The following VRK3 variants were observed in gnomAD, a reference collection of about 807,000 sequenced individuals.
VRK3 encodes the protein serine/threonine-protein kinase VRK3.
In VRK3, 50 loss-of-function variants were observed where a neutral mutation model predicts 60.4. The ratio of observed to expected loss-of-function variants is 0.83; its 90% confidence interval spans 0.66 to 1.05. The LOEUF is 1.05. Ranked by LOEUF, VRK3 falls within the 50% of genes least tolerant of loss-of-function variation. The probability of loss-of-function intolerance (pLI) is 0.00; values close to 1 mark genes in which losing one functional copy is unlikely to be tolerated. For synonymous variants in VRK3, 246 were observed against 227.8 expected (o/e 1.08, Z -0.72); for missense variants, 549 against 585.3 (o/e 0.94, Z 0.64).
At chr19:50,010,639 G>A (rs915950666) in intron 3 of VRK3, among the ~76,000 whole-genome samples, 13 of 152,206 alleles carry the variant, frequency 8.5e-5, no homozygotes, top group Non-Finnish European at 1.6e-4. Context: ...AAGGCTGGGC[G>A]TGGTGGCTCA....
chr19:49,995,925 A>G (rs922349295), intron 7 of VRK3, among the ~76,000 whole-genome samples: 1 of 148,434 alleles, frequency 6.7e-6, no homozygotes, highest in Non-Finnish European at 1.5e-5. Context: ...ATTTTTTTTT[A>G]TTTTTTATTT....
chr19:49,982,561 G>T (rs1218895604), intron 12 of VRK3, among the ~76,000 whole-genome samples: 1 of 152,200 alleles, frequency 6.6e-6, no homozygotes, highest in Non-Finnish European at 1.5e-5. Context: ...AAATAGGGAG[G>T]CAGAATGCTG....
At chr19:50,017,190 T>C (rs59720830) in intron 2 of VRK3, among the ~76,000 whole-genome samples, 7,924 of 151,742 alleles carry the variant, frequency 0.052, 666 homozygotes, top group African/African-American at 0.18. Context: ...GTGAAAACTC[T>C]GTCTCAAACA....
At chr19:49,983,917 G>A (rs1391147970) in intron 12 of VRK3, among the ~76,000 whole-genome samples, 2 of 151,286 alleles carry the variant, frequency 1.3e-5, no homozygotes, top group African/African-American at 2.5e-5. Flanking sequence ...CTACTCTCCA[G>A]AGAGCATTTT....
At chr19:49,981,079 TGCCTAAGATATATACACA>T (rs59094042) in intron 12 of VRK3, 66 bp from the exon 13 acceptor site, 104,798 of 1,407,830 alleles carry the variant, frequency 0.074, 7,070 homozygotes, top group East Asian at 0.3. Context: ...TAAAACAGAA[TGCCTAAGATATATACACA>T]GCCTAAGATA....
intron 9 of VRK3, among the ~76,000 whole-genome samples, chr19:49,993,405 T>C (rs575526172): frequency 1.3e-5 from 2 of 152,082 alleles, no homozygotes; most frequent in South Asian, 2.1e-4. Flanking sequence ...TGTGTGTATA[T>C]ATATATTTTT....
At chr19:50,010,446 GAT>G (rs1229672090) in intron 3 of VRK3, among the ~76,000 whole-genome samples, 1 of 152,172 alleles carries the variant, frequency 6.6e-6, no homozygotes, top group Non-Finnish European at 1.5e-5. Flanking sequence ...GTAATTCCCT[GAT>G]GTTTGTCTTT....
At position 50,015,983 on chromosome 19, in the gene VRK3, T is replaced by C. The variant is rs57723601; in HGVS notation, c.139+41A>G. 15,964 of 1,613,706 alleles carry C rather than the reference T, an allele frequency of 9.9e-3. 1,371 individuals are homozygous for C. In the African/African-American group the frequency reaches 0.19, roughly 19 times the overall value. ...CGCAGACACACACGTGTATGCACCT[T>C]ATTCCCACCGCAGAAACAGGCTCAA... On this transcript the variant is annotated intron_variant, in intron 3 of 14. Transcript: ENST00000316763.
chr19:49,994,728 G>C, intron 9 of VRK3, 86 bp downstream of exon 9: 1 of 1,229,316 alleles, frequency 8.1e-7, no homozygotes, highest in East Asian at 2.4e-5. Context: ...GTGGGGGCCG[G>C]AAGTGTCAAT....
intron 13 of VRK3, 72 bp downstream of exon 13, chr19:49,980,883 C>T: frequency 7.1e-7 from 1 of 1,407,882 alleles, no homozygotes. Context: ...AAGGAGAAGC[C>T]ACCCCAAGAT....
At chr19:49,983,253 C>G (rs1392666535) in intron 12 of VRK3, among the ~76,000 whole-genome samples, 1 of 152,154 alleles carries the variant, frequency 6.6e-6, no homozygotes, top group African/African-American at 2.4e-5. Flanking sequence ...CGAGGCCACA[C>G]ATCCACGCAC....
intron 6 of VRK3, chr19:49,999,408 G>C (rs975953074): frequency 6.6e-6 from 1 of 152,294 alleles, no homozygotes; most frequent in Admixed American, 6.5e-5. Flanking sequence ...CCCCCAAGGG[G>C]GCAGCTCCTT....
chr19:50,003,395 T>C (rs1165948563), intron 5 of VRK3, among the ~76,000 whole-genome samples: 1 of 152,242 alleles, frequency 6.6e-6, no homozygotes, highest in Non-Finnish European at 1.5e-5. Context: ...CCACCTTTCA[T>C]CTGCAAAGGC....
At position 50,004,765 on chromosome 19, in the gene VRK3, C is replaced by T. The variant is rs531329659; in HGVS notation, c.547+2804G>A. ...TATTTAAAAAAAATTAAAAAATTAGCCTGGCGTGGTGGCGCCTGCCTGTAG... is the reference window on the plus strand; with the variant it reads ...TATTTAAAAAAAATTAAAAAATTAGTCTGGCGTGGTGGCGCCTGCCTGTAG... On this transcript the variant is annotated intron_variant, in intron 5 of 14. Coordinates refer to ENST00000316763, the MANE Select transcript of VRK3 (RefSeq NM_016440.4). Among the ~76,000 whole-genome samples the T allele has an allele frequency of 2.3e-4, 35 of 152,014 alleles. 1 individual carries two copies. The highest frequency in any genetic ancestry group is 2.0e-3 in the Admixed American group (31 of 15,262).
At chr19:49,979,331 T>C in intron 13 of VRK3, 89 bp from the exon 14 acceptor site, 1 of 1,586,842 alleles carries the variant, frequency 6.3e-7, no homozygotes, top group East Asian at 2.2e-5. Context: ...GATGGAGGGG[T>C]GGGGGACTGA....
intron 12 of VRK3, chr19:49,981,568 T>A: frequency 1.9e-6 from 1 of 534,264 alleles, no homozygotes; most frequent in Non-Finnish European, 2.4e-6. Flanking sequence ...AACAAAACAA[T>A]ACACCTTGTT....
chr19:50,001,331 C>A (rs1308015307), intron 5 of VRK3: 1 of 159,964 alleles, frequency 6.3e-6, no homozygotes, highest in Non-Finnish European at 1.4e-5. Context: ...TTCCCATGTA[C>A]TGTCACAGCC....
At chr19:50,018,593 G>C (rs61538099) in intron 2 of VRK3, among the ~76,000 whole-genome samples, 7,986 of 152,218 alleles carry the variant, frequency 0.052, 689 homozygotes, top group African/African-American at 0.18. Context: ...GACTGCAAAG[G>C]CTGTTGGTCA....
intron 2 of VRK3, among the ~76,000 whole-genome samples, chr19:50,016,957 T>C (rs919559169): frequency 2.2e-5 from 3 of 136,264 alleles, no homozygotes; most frequent in Non-Finnish European, 4.5e-5. Flanking sequence ...TGGGAGGCCA[T>C]CACAGGCAGA....
Sources: allele counts gnomAD v4.1 joint callset (sites outside exome capture counted in the v4.1 genomes callset), GRCh38; gene constraint gnomAD v4.1.1; transcripts MANE v1.5; gene names NCBI Gene and HGNC (gene_info 2026-07-23, HGNC 2026-07-21).